The following CMC2 variants were observed in gnomAD, a reference collection of about 807,000 sequenced individuals.
The protein encoded by CMC2 is COX assembly mitochondrial protein 2 homolog.
Under a neutral mutation model 7.5 loss-of-function variants are expected in CMC2, and 5 were observed. That is an observed-to-expected ratio of 0.66 (90% CI 0.35 to 1.40). The LOEUF is 1.40. CMC2 is among the 40% of genes most tolerant of loss of function. The probability of loss-of-function intolerance (pLI) is 0.04; values close to 1 mark genes in which losing one functional copy is unlikely to be tolerated. For missense variants in CMC2, 115 were observed against 92.3 expected (o/e 1.25, Z -1.01); for synonymous variants, 37 against 31.4 (o/e 1.18, Z -0.60).
chr16:80,968,891 A>G lies in CMC2; in HGVS notation c.*7202T>C, dbSNP rs1911729841. 1 of 152,268 alleles carries G rather than the reference A, an allele frequency of 6.6e-6. No homozygotes were observed. Among genetic ancestry groups the G allele is most frequent in the African/African-American group, 2.4e-5 (1 of 41,468 alleles). The allele number at this position is 152,268 out of a possible 1,614,324, so 9.4% of individuals were successfully genotyped here. On this transcript the variant is annotated 3_prime_UTR_variant, in exon 4 of 4. Transcript: ENST00000219400. ...TAAACACAATGGAAAAAGATGGAAG[A>G]TACTGAGTCTCTACGAGGAATGGTG... is the stretch of plus-strand genomic sequence containing the variant.
At chr16:81,004,330 T>C (rs1157141400) in intron 1 of CMC2, among the ~76,000 whole-genome samples, 1 of 152,206 alleles carries the variant, frequency 6.6e-6, no homozygotes, top group Non-Finnish European at 1.5e-5. Flanking sequence ...ATAAATTCCA[T>C]TCAAACTGTT....
chr16:80,980,122 G>A (rs548879279), intron 3 of CMC2, among the ~76,000 whole-genome samples: 2 of 151,668 alleles, frequency 1.3e-5, no homozygotes, highest in African/African-American at 4.8e-5. Context: ...GTCTCACTAT[G>A]TTGCCCAAGT....
chr16:81,003,768 G>C (rs1969033922), intron 1 of CMC2, among the ~76,000 whole-genome samples: 2 of 133,918 alleles, frequency 1.5e-5, no homozygotes, highest in East Asian at 2.1e-4. Flanking sequence ...GAAATAGTGA[G>C]TCTGTCAAGA....
intron 2 of CMC2, among the ~76,000 whole-genome samples, chr16:80,989,108 G>C (rs144930110): frequency 6.6e-6 from 1 of 152,230 alleles, no homozygotes; most frequent in African/African-American, 2.4e-5. Flanking sequence ...TACCTGCCAA[G>C]TTTCTACACC....
At chr16:80,998,840 C>CA (rs1802375577) in intron 1 of CMC2, 1 of 152,146 alleles carries the variant, frequency 6.6e-6, no homozygotes, top group South Asian at 2.1e-4. Flanking sequence ...GAATTAAACA[C>CA]AAAAACCATG....
chr16:80,996,164 C>T (rs992445483), intron 2 of CMC2, among the ~76,000 whole-genome samples: 25 of 152,204 alleles, frequency 1.6e-4, no homozygotes, highest in African/African-American at 4.3e-4. Flanking sequence ...AAATATGATG[C>T]GATAATATCC....
Position 80,972,667 on chromosome 16 carries a change from T to C in CMC2, c.*3426A>G, listed in dbSNP as rs1479467782. On this transcript the variant is annotated 3_prime_UTR_variant, in exon 4 of 4. Transcript: ENST00000219400. ...CAAAACTAGATTTCTCAGGAAAACC[T>C]TGGCCTAAGTTCTTCAGCTTCCAAG... 6.6e-6 allele frequency: 1 copy of C among 152,210 alleles called. No individual in the cohort carries two copies. Among genetic ancestry groups the C allele is most frequent in the Non-Finnish European group, 1.5e-5 (1 of 68,032 alleles). 9.4% of individuals were successfully genotyped at this position (152,210 alleles called of 1,614,324 possible).
chr16:80,986,794 G>C (rs1397675196), intron 2 of CMC2, among the ~76,000 whole-genome samples: 1 of 152,226 alleles, frequency 6.6e-6, no homozygotes, highest in Non-Finnish European at 1.5e-5. Context: ...TTTGTATCTG[G>C]ACATGTTGAG....
At chr16:81,006,653 G>A in intron 1 of CMC2, 81 bp downstream of exon 1, 2 of 956,490 alleles carry the variant, frequency 2.1e-6, no homozygotes, top group Non-Finnish European at 1.2e-6. Context: ...CGGCAGGAAG[G>A]GGCTCGGCGG....
chr16:80,994,948 C>A (rs188565486), intron 2 of CMC2, among the ~76,000 whole-genome samples: 1 of 152,112 alleles, frequency 6.6e-6, no homozygotes, highest in East Asian at 1.9e-4. Context: ...GAGTTCGAGA[C>A]CAGCCTGACC....
intron 2 of CMC2, among the ~76,000 whole-genome samples, chr16:80,986,392 C>A (rs1467129621): frequency 6.6e-6 from 1 of 151,012 alleles, no homozygotes; most frequent in Non-Finnish European, 1.5e-5. Flanking sequence ...TTCCTAACAG[C>A]TACAGTGAGC....
chr16:81,006,395 C>T (rs1969337446), intron 1 of CMC2: 2 of 152,282 alleles, frequency 1.3e-5, no homozygotes, highest in Non-Finnish European at 2.9e-5. Flanking sequence ...GGCTCCATTC[C>T]TCAAGGTCCA....
chr16:80,973,230 C>G lies in CMC2; in HGVS notation c.*2863G>C, dbSNP rs145912086. ...GCCGGCTTGGGATGAGTTCTAGAGG[C>G]CTGGCCCTTCCTTCTGCCTCATATT... On this transcript the variant is annotated 3_prime_UTR_variant, in exon 4 of 4. Transcript: ENST00000219400. 6.6e-6 allele frequency: 1 copy of G among 152,258 alleles called. No individual in the cohort carries two copies. The highest frequency in any genetic ancestry group is 1.5e-5 in the Non-Finnish European group (1 of 68,110). 9.4% of individuals were successfully genotyped at this position (152,258 alleles called of 1,614,324 possible).
At position 80,969,280 on chromosome 16, in the gene CMC2, G is replaced by A. The variant is rs1911759085; in HGVS notation, c.*6813C>T. 1 of 152,364 alleles carries A rather than the reference G, an allele frequency of 6.6e-6. No individual in the cohort carries two copies. Among genetic ancestry groups the A allele is most frequent in the South Asian group, 2.1e-4 (1 of 4,834 alleles). 9.4% of individuals were successfully genotyped at this position (152,364 alleles called of 1,614,324 possible). On this transcript the variant is annotated 3_prime_UTR_variant, in exon 4 of 4. Transcript: ENST00000219400. ...ATCAAGAGCCAGAGGAGTCCTGGGA[G>A]GTCTCAGCATCGATGTGGAAAGCAG...
chr16:81,003,714 C>T (rs1056342485), intron 1 of CMC2, among the ~76,000 whole-genome samples: 3 of 152,162 alleles, frequency 2.0e-5, no homozygotes, highest in Admixed American at 6.5e-5. Context: ...TCATTCTAGG[C>T]CCAAGTTCCA....
chr16:80,992,072 A>T, intron 2 of CMC2: 1 of 382,082 alleles, frequency 2.6e-6, no homozygotes, highest in Non-Finnish European at 5.3e-6. Context: ...CAAACACCTT[A>T]TCAATGTAAG....
chr16:80,966,987 G>T lies in CMC2; in HGVS notation c.*9106C>A, dbSNP rs939573690. The T allele has an allele frequency of 3.9e-5, 6 of 152,120 alleles. No individual in the cohort carries two copies. Among genetic ancestry groups the T allele is most frequent in the Non-Finnish European group, 7.4e-5 (5 of 68,024 alleles). 9.4% of individuals were successfully genotyped at this position (152,120 alleles called of 1,614,324 possible). A position where few individuals can be genotyped will look rare whatever the true frequency, so the allele number is the denominator to read the frequency against. ...ACCTATCAAGTGATCTACAGAAAAA[G>T]AAAATGTAAATTTTAAAGTCCTTTG... On this transcript the variant is annotated 3_prime_UTR_variant, in exon 4 of 4. Coordinates refer to ENST00000219400, the MANE Select transcript of CMC2 (RefSeq NM_020188.5).
rs904960323 is a variant in CMC2 at position 80,976,015 on chromosome 16, A to G, written c.*78T>C. On this transcript the variant is annotated 3_prime_UTR_variant, in exon 4 of 4. Coordinates refer to ENST00000219400, the MANE Select transcript of CMC2 (RefSeq NM_020188.5). ...CCATTCAAAGGATTATGGAGACCAA[A>G]TAAGACAGGATTCTTTCAGGTATCA... 9 of 809,654 alleles carry G rather than the reference A, an allele frequency of 1.1e-5. No individual in the cohort carries two copies. Among genetic ancestry groups the G allele is most frequent in the Non-Finnish European group, 1.7e-5 (8 of 468,908 alleles). The allele number at this position is 809,654 out of a possible 1,614,324, so 50.2% of individuals were successfully genotyped here. A position where few individuals can be genotyped will look rare whatever the true frequency, so the allele number is the denominator to read the frequency against.
intron 3 of CMC2, among the ~76,000 whole-genome samples, chr16:80,979,707 G>A (rs537016398): frequency 2.0e-4 from 31 of 151,864 alleles, no homozygotes; most frequent in African/African-American, 2.4e-4. Flanking sequence ...CGCAACCTCC[G>A]TCTCCCAGGC....
Sources: allele counts gnomAD v4.1 joint callset (sites outside exome capture counted in the v4.1 genomes callset), GRCh38; gene constraint gnomAD v4.1.1; transcripts MANE v1.5; gene names NCBI Gene and HGNC (gene_info 2026-07-23, HGNC 2026-07-21).